Variants in ZNF534 observed in about 807,000 individuals in gnomAD.
ZNF534 encodes the protein zinc finger protein 534, also known as KRAB domain only 3.
ZNF534 carries 19 observed loss-of-function variants against 13.6 expected under a neutral mutation model. That is an observed-to-expected ratio of 1.40 (90% CI 0.97 to 2.05). ZNF534 has a LOEUF of 2.05. ZNF534 is among the 30% of genes most tolerant of loss of function. The pLI, the probability that ZNF534 is intolerant of heterozygous loss-of-function variation, is 0.00. For synonymous variants in ZNF534, 244 were observed against 273.8 expected (o/e 0.89, Z 1.07); for missense variants, 782 against 796.3 (o/e 0.98, Z 0.22).
rs2059139128 is a variant in ZNF534, at chr19:52,437,930, C to T, written c.470C>T (p.Thr157Ile). ...CAAATAAGTTTTTTCAGTGTCAAAA[C>T]CCATATTTTTAATAACTACAGAAAT... The part of the protein sequence containing the change: ...PVQISFFSVK[T>I]HIFNNYRNDF... Residue 157 changes from threonine (T) to isoleucine (I), a missense_variant, in exon 5 of 5, where the codon ACC (threonine) becomes ATC (isoleucine). Thr to Ile is a moderately conservative substitution (Grantham distance 89). This residue lies in a region of ZNF534 where 591 missense variants were observed against 574.0 expected (regional missense o/e 1.03). Coordinates refer to ENST00000433050, the MANE Select transcript of ZNF534 (RefSeq NM_001143938.3). 5.6e-6 allele frequency: 9 copies of T among 1,612,524 alleles called. No homozygotes were observed. The highest frequency in any genetic ancestry group is 6.8e-6 in the Non-Finnish European group (8 of 1,179,482).
chr19:52,438,611 GT>G lies in ZNF534; in HGVS notation c.1152del (p.Cys384Ter). 1 of 1,589,754 alleles carries G rather than the reference GT, an allele frequency of 6.3e-7. No homozygotes were observed. Among genetic ancestry groups the G allele is most frequent in the Admixed American group, 1.8e-5 (1 of 56,004 alleles). The part of the protein sequence containing the change: ...KVHTGEKPYK[C>X]NECGKVFIGN... ...CATACTGGAGAGAAACCTTACAAAT[GT>G]AATGAGTGTGGCAAGGTCTTTATTG... On this transcript the variant is annotated frameshift_variant, in exon 5 of 5. Coordinates refer to ENST00000433050, the MANE Select transcript of ZNF534 (RefSeq NM_001143938.3). LOFTEE classifies it low-confidence loss of function (END_TRUNC).
downstream of ZNF534, among the ~76,000 whole-genome samples, chr19:52,445,359 G>T (rs952161146): frequency 1.3e-5 from 2 of 152,030 alleles, no homozygotes; most frequent in East Asian, 1.9e-4. Context: ...ACCATGCCTG[G>T]CTAATTTTTG....
At chr19:52,448,419 A>G (rs1050980013) in intron 4 of ZNF534, among the ~76,000 whole-genome samples, 21 of 152,260 alleles carry the variant, frequency 1.4e-4, no homozygotes, top group Middle Eastern at 3.4e-3. Context: ...ATTATTTTTT[A>G]AAATTAGCCC....
downstream of ZNF534, among the ~76,000 whole-genome samples, chr19:52,443,731 TGTA>T (rs1340102342): frequency 7.3e-6 from 1 of 136,378 alleles, no homozygotes; most frequent in East Asian, 2.1e-4. Flanking sequence ...GCCTGGGTGA[TGTA>T]GTGAGACTCC....
Position 52,440,782 on chromosome 19 carries a change from A to G in ZNF534, c.*1336A>G, listed in dbSNP as rs2059167223. Among the ~76,000 whole-genome samples the G allele has an allele frequency of 6.6e-6, 1 of 151,870 alleles. No homozygotes were observed. Among genetic ancestry groups the G allele is most frequent in the Non-Finnish European group, 1.5e-5 (1 of 67,886 alleles). On this transcript the variant is annotated 3_prime_UTR_variant, in exon 5 of 5. Coordinates refer to ENST00000433050, the MANE Select transcript of ZNF534 (RefSeq NM_001143938.3). ...TGTGACAGTGAGATTCTGTCTCAAA[A>G]AAAAAAAAAAGAATTCATACTGGAA...
downstream of ZNF534, among the ~76,000 whole-genome samples, chr19:52,442,678 A>G (rs1028883669): frequency 3.3e-5 from 5 of 152,190 alleles, no homozygotes; most frequent in Non-Finnish European, 7.3e-5. Flanking sequence ...TGAGATCTTG[A>G]CATATACCTC....
downstream of ZNF534, among the ~76,000 whole-genome samples, chr19:52,446,021 C>T (rs1303517319): frequency 1.3e-5 from 2 of 152,110 alleles, no homozygotes; most frequent in Non-Finnish European, 2.9e-5. Context: ...GAACTAGGTT[C>T]TGTATAATTA....
intron 4 of ZNF534, among the ~76,000 whole-genome samples, chr19:52,436,277 C>T (rs189224607): frequency 1.3e-5 from 2 of 152,180 alleles, no homozygotes; most frequent in African/African-American, 4.8e-5. Flanking sequence ...ACTTCACTGC[C>T]TTCTACCCTG....
downstream of ZNF534, among the ~76,000 whole-genome samples, chr19:52,445,284 A>G (rs1040419498): frequency 1.3e-5 from 2 of 151,700 alleles, no homozygotes; most frequent in Middle Eastern, 3.4e-3. Flanking sequence ...GCAACCTCCA[A>G]CTCCAGTGCT....
At chr19:52,431,887 A>C (rs2059089909) in intron 2 of ZNF534, among the ~76,000 whole-genome samples, 1 of 148,194 alleles carries the variant, frequency 6.7e-6, no homozygotes. Context: ...AGAGTCTCGC[A>C]CTGTTGCCCA....
chr19:52,434,486 A>G (rs2059115656), intron 3 of ZNF534, among the ~76,000 whole-genome samples: 1 of 132,098 alleles, frequency 7.6e-6, no homozygotes, highest in Non-Finnish European at 1.6e-5. Context: ...AAAAAAAAAA[A>G]GAAATGAAAA....
chr19:52,430,139 C>T (rs2059077747), intron 1 of ZNF534, among the ~76,000 whole-genome samples: 1 of 151,672 alleles, frequency 6.6e-6, no homozygotes, highest in African/African-American at 2.4e-5. Flanking sequence ...CCTCAGTCTC[C>T]CGAGTAGCTG....
In ZNF534 at chr19:52,451,323, AT is replaced by A; in HGVS notation, c.411del (p.Pro138LeufsTer122). 1.7e-6 allele frequency: 2 copies of A among 1,148,966 alleles called. No individual in the cohort carries two copies. The highest frequency in any genetic ancestry group is 1.3e-6 in the Non-Finnish European group (1 of 777,154). 71.2% of individuals were successfully genotyped at this position (1,148,966 alleles called of 1,614,324 possible). A position where few individuals can be genotyped will look rare whatever the true frequency, so the allele number is the denominator to read the frequency against. On this transcript the variant is annotated frameshift_variant, in exon 5 of 5. Transcript: ENST00000301085. LOFTEE classifies it low-confidence loss of function (END_TRUNC). ...TGCCCTCGCCCCTCGCTCTGCTACCATTTCCTTCCGTTTCTGCTTCGCTTGG... is the reference window on the plus strand; with the variant it reads ...TGCCCTCGCCCCTCGCTCTGCTACCATTCCTTCCGTTTCTGCTTCGCTTGG...
chr19:52,434,979 AT>A, intron 3 of ZNF534, 101 bp from the exon 4 acceptor site: 1 of 1,387,646 alleles, frequency 7.2e-7, no homozygotes, highest in Non-Finnish European at 9.6e-7. Flanking sequence ...TTTGTGAAAT[AT>A]TATTCTTGAT....
chr19:52,437,758 G>T lies in ZNF534; in HGVS notation c.298G>T (p.Ala100Ser), dbSNP rs2059137465. ...TEKSSKLGSS[A>S]GNKSLKNQHG... ...GAAGAGTTCTAAATTGGGAAGCAGT[G>T]CAGGAAACAAGTCACTTAAAAATCA... The change falls in exon 5 of 5, where the codon GCA becomes TCA. Residue 100 changes from alanine (A) to serine (S), a missense_variant. Ala to Ser is a moderately conservative substitution (Grantham distance 99). Around this residue, in one of 5 missense-constraint regions of ZNF534, gnomAD observed 30 missense variants for 55.4 expected, o/e 0.54. Coordinates refer to ENST00000433050, the MANE Select transcript of ZNF534 (RefSeq NM_001143938.3). The T allele has an allele frequency of 3.1e-6, 5 of 1,590,488 alleles. No individual in the cohort carries two copies. The highest frequency in any genetic ancestry group is 4.3e-6 in the Non-Finnish European group (5 of 1,168,066).
intron 2 of ZNF534, 141 bp downstream of exon 2, chr19:52,431,630 C>G: frequency 9.0e-7 from 1 of 1,110,590 alleles, no homozygotes; most frequent in Non-Finnish European, 1.3e-6. Flanking sequence ...CAGTCCCTTT[C>G]ACTTCCACTT....
In ZNF534 at chr19:52,438,415, A is replaced by G. The variant is rs1337068580; in HGVS notation, c.955A>G (p.Ile319Val). 6.2e-7 allele frequency: 1 copy of G among 1,613,630 alleles called. No individual in the cohort carries two copies. The highest frequency in any genetic ancestry group is 8.5e-7 in the Non-Finnish European group (1 of 1,179,866). ...TTCCAGTCTTACTGCTCATCTTGTA[A>G]TCCATACTGGAGAGAAACCTTATGA... Reference protein sequence around the residue: ...VCSSLTAHLVIHTGEKPYDCK... With the variant: ...VCSSLTAHLVVHTGEKPYDCK... The change falls in exon 5 of 5, where the codon ATC becomes GTC. Residue 319 changes from isoleucine to valine, a missense_variant. Around this residue, in one of 5 missense-constraint regions of ZNF534, gnomAD observed 591 missense variants for 574.0 expected, o/e 1.03. Transcript: ENST00000433050.
At chr19:52,448,230 C>T (rs1209103582) in intron 4 of ZNF534, among the ~76,000 whole-genome samples, 2 of 152,010 alleles carry the variant, frequency 1.3e-5, no homozygotes, top group Admixed American at 6.5e-5. Context: ...GCCTGGTCAA[C>T]ATGGTGAAAC....
chr19:52,441,988 A>G lies in ZNF534; in HGVS notation c.*2542A>G, dbSNP rs866430311. 6.6e-6 allele frequency among the ~76,000 whole-genome samples: 1 copy of G among 152,186 alleles called. No individual in the cohort carries two copies. The highest frequency in any genetic ancestry group is 6.5e-5 in the Admixed American group (1 of 15,284). On this transcript the variant is annotated 3_prime_UTR_variant, in exon 5 of 5. Transcript: ENST00000433050. Reference sequence around the variant, plus strand: ...AGAGGTTCCATACTAAGGAGAAATCATATAAATGTAATGTATGTGGCACAG... The same window carrying G: ...AGAGGTTCCATACTAAGGAGAAATCGTATAAATGTAATGTATGTGGCACAG...
Sources: allele counts gnomAD v4.1 joint callset (sites outside exome capture counted in the v4.1 genomes callset), GRCh38; gene constraint gnomAD v4.1.1; regional missense constraint gnomAD v4.1.1; transcripts MANE v1.5; gene names NCBI Gene and HGNC (gene_info 2026-07-23, HGNC 2026-07-21).